SLC4A7: variants seen among roughly 807,000 people sequenced by gnomAD.
SLC4A7 encodes solute carrier family 4 member 7, also known as sodium bicarbonate cotransporter 3.
Under a neutral mutation model 137.6 loss-of-function variants are expected in SLC4A7, and 51 were observed. The ratio of observed to expected loss-of-function variants is 0.37; its 90% CI spans 0.30 to 0.47. The LOEUF (loss-of-function observed/expected upper bound fraction) is 0.47, where lower values mean the gene tolerates loss of function less well. Ranked by LOEUF, SLC4A7 falls within the 20% of genes least tolerant of loss-of-function variation. The pLI, the probability that SLC4A7 is intolerant of heterozygous loss-of-function variation, is 1.00. For synonymous variants in SLC4A7, 542 were observed against 518.6 expected (o/e 1.05, Z -0.61); for missense variants, 1,247 against 1,525.4 (o/e 0.82, Z 3.04).
chr3:27,425,127 C>G (rs1397670348), intron 7 of SLC4A7, among the ~76,000 whole-genome samples: 1 of 151,430 alleles, frequency 6.6e-6, no homozygotes, highest in Non-Finnish European at 1.5e-5. Flanking sequence ...TCCCAGCACT[C>G]TGGGAGGCAG....
In SLC4A7 at chr3:27,426,454, G is replaced by C. The variant is rs561478722; in HGVS notation, c.1151-2302C>G. On this transcript the variant is annotated intron_variant, in intron 7 of 25. Coordinates refer to ENST00000454389, the MANE Select transcript of SLC4A7 (RefSeq NM_001321103.2). ...AAAACTGAGAGTACCATTTGGCCCT[G>C]GTGGCAAACGCAGCTGAGCATTACA... 3.3e-5 allele frequency among the ~76,000 whole-genome samples: 5 copies of C among 152,216 alleles called. No homozygotes were observed. The South Asian group carries it at 1.0e-3, about 32-fold the overall frequency.
At chr3:27,416,542 AT>A (rs1252770426) in intron 11 of SLC4A7, among the ~76,000 whole-genome samples, 1 of 152,274 alleles carries the variant, frequency 6.6e-6, no homozygotes, top group East Asian at 1.9e-4. Context: ...ATTAATCTTA[AT>A]TTTTTGATAT....
At chr3:27,467,846 T>C (rs1345459645) in intron 1 of SLC4A7, among the ~76,000 whole-genome samples, 1 of 152,226 alleles carries the variant, frequency 6.6e-6, no homozygotes. Flanking sequence ...AGAAATTCAG[T>C]TTGAAAAACT....
At chr3:27,444,529 G>A (rs904193195) in intron 3 of SLC4A7, among the ~76,000 whole-genome samples, 2 of 152,058 alleles carry the variant, frequency 1.3e-5, no homozygotes, top group African/African-American at 4.8e-5. Context: ...ATTTTGGATA[G>A]TTACTATCAC....
intron 7 of SLC4A7, among the ~76,000 whole-genome samples, chr3:27,430,353 T>TGG (rs1307291304): frequency 6.6e-6 from 1 of 151,708 alleles, no homozygotes; most frequent in Non-Finnish European, 1.5e-5. Flanking sequence ...ACGCAATCAA[T>TGG]GGCCCACACC....
chr3:27,406,972 T>C (rs879766515), intron 13 of SLC4A7, among the ~76,000 whole-genome samples: 19 of 151,480 alleles, frequency 1.3e-4, no homozygotes, highest in Middle Eastern at 3.2e-3. Flanking sequence ...ATGGTATACA[T>C]ACAGAGAAAA....
chr3:27,480,531 T>C (rs906370164), intron 1 of SLC4A7, among the ~76,000 whole-genome samples: 2 of 152,130 alleles, frequency 1.3e-5, no homozygotes, highest in African/African-American at 4.8e-5. Flanking sequence ...CACCTAGCCT[T>C]GTCCTACAGT....
rs377101895 is a variant in SLC4A7 at position 27,394,478 on chromosome 3, T to C, written c.3117+40A>G. On this transcript the variant is annotated intron_variant, in intron 20 of 25. Transcript: ENST00000454389. ...TGTTCACATAACTAAGTATAAATGTTATAATAAGATTGTAAAACACGGCAA... is the reference window on the plus strand; with the variant it reads ...TGTTCACATAACTAAGTATAAATGTCATAATAAGATTGTAAAACACGGCAA... 2.6e-6 allele frequency: 4 copies of C among 1,546,476 alleles called. No homozygotes were observed. In the African/African-American group the frequency reaches 5.5e-5, roughly 21 times the overall value.
intron 1 of SLC4A7, among the ~76,000 whole-genome samples, chr3:27,471,768 T>G (rs2059257869): frequency 2.0e-5 from 3 of 152,196 alleles, no homozygotes; most frequent in Admixed American, 2.0e-4. Flanking sequence ...TTCACGCTAA[T>G]TTGTTTCAGA....
At chr3:27,382,775 C>G (rs1236866566) in intron 24 of SLC4A7, among the ~76,000 whole-genome samples, 1 of 152,110 alleles carries the variant, frequency 6.6e-6, no homozygotes, top group Non-Finnish European at 1.5e-5. Flanking sequence ...TATTTTCCAG[C>G]ACCCACCGAC....
chr3:27,463,850 G>C (rs955615295), intron 1 of SLC4A7, among the ~76,000 whole-genome samples: 2 of 152,150 alleles, frequency 1.3e-5, no homozygotes, highest in Non-Finnish European at 1.5e-5. Flanking sequence ...CGCCGGCTAA[G>C]TTCATAACCC....
chr3:27,376,099 C>A lies in SLC4A7; in HGVS notation c.*665G>T, dbSNP rs555709747. 3 of 152,096 alleles carry A rather than the reference C, an allele frequency of 2.0e-5. No individual in the cohort carries two copies. Among genetic ancestry groups the A allele is most frequent in the Admixed American group, 6.5e-5 (1 of 15,280 alleles). 9.4% of individuals were successfully genotyped at this position (152,096 alleles called of 1,614,324 possible). On this transcript the variant is annotated 3_prime_UTR_variant, in exon 26 of 26. Coordinates refer to ENST00000454389, the MANE Select transcript of SLC4A7 (RefSeq NM_001321103.2). Reference sequence around the variant, plus strand: ...TGGTATGGGTGCTTAATTATCAAATCACCTGCAATTTTACTTGTCTGTCAC... The same window carrying A: ...TGGTATGGGTGCTTAATTATCAAATAACCTGCAATTTTACTTGTCTGTCAC...
chr3:27,428,800 G>A (rs1375195164), intron 7 of SLC4A7, among the ~76,000 whole-genome samples: 1 of 152,168 alleles, frequency 6.6e-6, no homozygotes, highest in African/African-American at 2.4e-5. Flanking sequence ...TAATACTTAT[G>A]TGATTAAAAC....
At chr3:27,479,081 T>TGTG (rs2150750951) in intron 1 of SLC4A7, among the ~76,000 whole-genome samples, 1 of 151,122 alleles carries the variant, frequency 6.6e-6, no homozygotes, top group Non-Finnish European at 1.5e-5. Flanking sequence ...AAAATGCAAA[T>TGTG]CTATATTATG....
rs764226275 is a variant in SLC4A7 at position 27,390,110 on chromosome 3, T to C, written c.3187-6A>G. On this transcript the variant is annotated splice_region_variant and splice_polypyrimidine_tract_variant and intron_variant, in intron 21 of 25. Transcript: ENST00000454389. ...AATTTTATACGGTCAAATAACTACATATAGAATAAAAAACAAAGAAGTTTT... is the reference window on the plus strand; with the variant it reads ...AATTTTATACGGTCAAATAACTACACATAGAATAAAAAACAAAGAAGTTTT... 12 of 1,543,534 alleles carry C rather than the reference T, an allele frequency of 7.8e-6. No homozygotes were observed. The Admixed American group carries it at 1.9e-4, about 24-fold the overall frequency.
chr3:27,442,262 TTAAA>T (rs2057257865), intron 3 of SLC4A7, among the ~76,000 whole-genome samples: 1 of 152,178 alleles, frequency 6.6e-6, no homozygotes, highest in Non-Finnish European at 1.5e-5. Context: ...ATCTTTTATA[TTAAA>T]TATTATATTG....
chr3:27,457,500 T>C (rs1201835174), intron 1 of SLC4A7, among the ~76,000 whole-genome samples: 1 of 152,170 alleles, frequency 6.6e-6, no homozygotes, highest in African/African-American at 2.4e-5. Flanking sequence ...GGAGGCATAT[T>C]TCAATATTCT....
intron 5 of SLC4A7, 99 bp from the exon 6 acceptor site, chr3:27,434,203 A>C: frequency 2.7e-6 from 2 of 747,706 alleles, no homozygotes; most frequent in East Asian, 2.8e-5. Context: ...TAGAACCTTA[A>C]ATAGCTCTAG....
At position 27,442,396 on chromosome 3, in the gene SLC4A7, A is replaced by G. The variant is rs2057267383; in HGVS notation, c.290-4870T>C. On this transcript the variant is annotated intron_variant, in intron 3 of 25. Transcript: ENST00000454389. ...ATGGGTTTTATCCCATGAAAATGTG[A>G]CGTCATCCACATGAAATGTGACGTC... 2.0e-5 allele frequency among the ~76,000 whole-genome samples: 3 copies of G among 151,728 alleles called. No homozygotes were observed. The South Asian group carries it at 6.2e-4, about 32-fold the overall frequency.
Sources: allele counts gnomAD v4.1 joint callset (sites outside exome capture counted in the v4.1 genomes callset), GRCh38; gene constraint gnomAD v4.1.1; transcripts MANE v1.5; gene names NCBI Gene and HGNC (gene_info 2026-07-23, HGNC 2026-07-21).